The following HS3ST5 variants were observed in gnomAD, a reference collection of about 807,000 sequenced individuals.
The protein encoded by HS3ST5 is heparan sulfate glucosamine 3-O-sulfotransferase 5.
HS3ST5 carries 10 observed loss-of-function variants against 25.4 expected under a neutral mutation model. The ratio of observed to expected loss-of-function variants is 0.39; its 90% CI spans 0.24 to 0.67. The LOEUF is 0.67. HS3ST5 is among the 30% of genes least tolerant of loss of function. The pLI is 0.44. For synonymous variants in HS3ST5, 170 were observed against 162.4 expected (o/e 1.05, Z -0.36); for missense variants, 324 against 420.7 (o/e 0.77, Z 2.01).
chr6:114,148,627 A>C (rs1180244776), intron 3 of HS3ST5, among the ~76,000 whole-genome samples: 1 of 152,138 alleles, frequency 6.6e-6, no homozygotes, highest in African/African-American at 2.4e-5. Context: ...GTCTCAAAAA[A>C]TAAATAATAA....
At chr6:114,327,721 T>C (rs994539934) in intron 1 of HS3ST5, among the ~76,000 whole-genome samples, 1 of 152,172 alleles carries the variant, frequency 6.6e-6, no homozygotes, top group Non-Finnish European at 1.5e-5. Flanking sequence ...TCCATGAATG[T>C]GAGAAACTAC....
intron 2 of HS3ST5, among the ~76,000 whole-genome samples, chr6:114,203,707 A>G (rs974797483): frequency 6.6e-6 from 1 of 152,076 alleles, no homozygotes; most frequent in African/African-American, 2.4e-5. Flanking sequence ...CACTCTTCTG[A>G]TTTCATCCCC....
intron 3 of HS3ST5, among the ~76,000 whole-genome samples, chr6:114,097,096 A>G (rs949958876): frequency 5.9e-5 from 9 of 152,002 alleles, no homozygotes; most frequent in Non-Finnish European, 1.3e-4. Flanking sequence ...GTAATACAAA[A>G]CAAAATGTTT....
chr6:114,161,574 T>TATATATATATATAA (rs1396381241), intron 3 of HS3ST5, among the ~76,000 whole-genome samples: 13 of 102,398 alleles, frequency 1.3e-4, no homozygotes, highest in Non-Finnish European at 2.6e-4. Context: ...TATATATATA[T>TATATATATATATAA]AAAATGCAAT....
intron 2 of HS3ST5, among the ~76,000 whole-genome samples, chr6:114,201,977 T>C (rs1274454315): frequency 6.6e-6 from 1 of 151,916 alleles, no homozygotes; most frequent in African/African-American, 2.4e-5. Context: ...CATGATTCAA[T>C]TACCTCCCAC....
rs575969521 is a variant in HS3ST5, at chr6:114,319,007, AAAAAC to A, written c.-339+23183_-339+23187del. ...TGTTTTGCTTTGTTATTTGTTTGCA[AAAAAC>A]AAAACAAAACAAAACAAAAACAAAC... On this transcript the variant is annotated intron_variant, in intron 1 of 4. Transcript: ENST00000312719. 9.7e-4 allele frequency among the ~76,000 whole-genome samples: 148 copies of A among 152,234 alleles called. 1 individual carries two copies. The highest frequency in any genetic ancestry group is 6.8e-3 in the Middle Eastern group (2 of 294).
chr6:114,178,398 A>C (rs890411029), intron 2 of HS3ST5, among the ~76,000 whole-genome samples: 1 of 152,194 alleles, frequency 6.6e-6, no homozygotes, highest in African/African-American at 2.4e-5. Context: ...AAACAAAGCA[A>C]AATCTAGTCT....
intron 2 of HS3ST5, among the ~76,000 whole-genome samples, chr6:114,173,072 TA>T (rs1779544180): frequency 6.6e-6 from 1 of 152,234 alleles, no homozygotes; most frequent in Non-Finnish European, 1.5e-5. Flanking sequence ...GGGTTCTTTT[TA>T]AAAGAAAACA....
At chr6:114,070,509 T>C (rs943604289) in intron 3 of HS3ST5, among the ~76,000 whole-genome samples, 4 of 152,186 alleles carry the variant, frequency 2.6e-5, no homozygotes, top group African/African-American at 9.7e-5. Flanking sequence ...TTTCTCTCCA[T>C]AACTCAAGAA....
At chr6:114,196,067 G>A (rs1268688628) in intron 2 of HS3ST5, among the ~76,000 whole-genome samples, 5 of 152,170 alleles carry the variant, frequency 3.3e-5, no homozygotes, top group Admixed American at 3.3e-4. Context: ...GCGTTCAACT[G>A]TAAAAACAGC....
chr6:114,299,972 A>G (rs1464179220), intron 1 of HS3ST5, among the ~76,000 whole-genome samples: 1 of 152,198 alleles, frequency 6.6e-6, no homozygotes, highest in Non-Finnish European at 1.5e-5. Context: ...TCATGTTCTA[A>G]CACCAGAGAA....
At chr6:114,319,860 TTTG>T (rs1186090298) in intron 1 of HS3ST5, among the ~76,000 whole-genome samples, 3 of 152,078 alleles carry the variant, frequency 2.0e-5, no homozygotes, top group African/African-American at 2.4e-5. Flanking sequence ...ATACTATTTT[TTTG>T]TTGTTGTTGT....
chr6:114,210,075 T>C (rs1220143797), intron 2 of HS3ST5, among the ~76,000 whole-genome samples: 2 of 152,220 alleles, frequency 1.3e-5, no homozygotes, highest in Admixed American at 6.5e-5. Context: ...AGGCAAAAAA[T>C]GTAAATACTC....
chr6:114,230,984 T>G (rs1364252475), intron 1 of HS3ST5, among the ~76,000 whole-genome samples: 1 of 152,058 alleles, frequency 6.6e-6, no homozygotes, highest in Non-Finnish European at 1.5e-5. Flanking sequence ...TTGATGTAGT[T>G]TGTATATTTG....
chr6:114,179,822 C>T (rs1038487683), intron 2 of HS3ST5, among the ~76,000 whole-genome samples: 2 of 152,084 alleles, frequency 1.3e-5, no homozygotes, highest in African/African-American at 4.8e-5. Context: ...ACCTCAAAAG[C>T]AGGGAAACTG....
At chr6:114,269,294 G>A (rs1161418229) in intron 1 of HS3ST5, among the ~76,000 whole-genome samples, 2 of 152,122 alleles carry the variant, frequency 1.3e-5, no homozygotes, top group Non-Finnish European at 1.5e-5. Flanking sequence ...GTAACAGAGA[G>A]TGGAGATCTG....
chr6:114,091,379 T>A (rs1488589100), intron 3 of HS3ST5, among the ~76,000 whole-genome samples: 4 of 152,200 alleles, frequency 2.6e-5, no homozygotes, highest in African/African-American at 9.7e-5. Context: ...TGTGTCATTT[T>A]AAATGTACTA....
Position 114,093,966 on chromosome 6 carries a change from A to G in HS3ST5, c.-32-31089T>C, listed in dbSNP as rs528734491. 2.0e-5 allele frequency among the ~76,000 whole-genome samples: 3 copies of G among 152,338 alleles called. 1 individual carries two copies. In the East Asian group the frequency reaches 5.8e-4, roughly 29 times the overall value. On this transcript the variant is annotated intron_variant, in intron 3 of 4. Transcript: ENST00000312719. Reference sequence around the variant, plus strand: ...ACTGCATGTTCAAAGCTGTTTATATATAATAAAAATTCAATCTTGAATAGC... The same window carrying G: ...ACTGCATGTTCAAAGCTGTTTATATGTAATAAAAATTCAATCTTGAATAGC...
rs533923191 is a variant in HS3ST5, at chr6:114,249,228, G to A, written c.-338-20450C>T. On this transcript the variant is annotated intron_variant, in intron 1 of 4. Transcript: ENST00000312719. ...TGTCCATGTTTCTTTTATTAATAGA[G>A]ATTCAGCACATATGCACTAATTAAT... 8.5e-5 allele frequency among the ~76,000 whole-genome samples: 13 copies of A among 152,248 alleles called. No individual in the cohort carries two copies. In the East Asian group the frequency reaches 2.5e-3, roughly 29 times the overall value.
Sources: gnomAD v4.1 joint callset for allele counts (sites outside exome capture counted in the v4.1 genomes callset) on GRCh38, gnomAD v4.1.1 for gene constraint, MANE v1.5 for transcripts, NCBI Gene and HGNC (gene_info 2026-07-23, HGNC 2026-07-21) for gene names.